The following GPATCH8 variants were observed in gnomAD, a reference collection of about 807,000 sequenced individuals.
GPATCH8 encodes the protein G patch domain-containing protein 8.
A neutral mutation model predicts 118.3 loss-of-function variants in GPATCH8; 18 were observed. That is an observed-to-expected ratio of 0.15 (90% CI 0.11 to 0.23). The LOEUF (loss-of-function observed/expected upper bound fraction) is 0.23. Ranked by LOEUF, GPATCH8 falls within the 10% of genes least tolerant of loss-of-function variation. GPATCH8 has a pLI of 1.00. For synonymous variants in GPATCH8, 659 were observed against 684.7 expected (o/e 0.96, Z 0.59); for missense variants, 1,631 against 1,873.8 (o/e 0.87, Z 2.39).
chr17:44,412,552 A>G (rs1230470258), intron 6 of GPATCH8, among the ~76,000 whole-genome samples: 1 of 150,868 alleles, frequency 6.6e-6, no homozygotes, highest in Non-Finnish European at 1.5e-5. Flanking sequence ...ACACCCGGCT[A>G]TTTATATTTT....
At chr17:44,419,110 G>A (rs1418088554) in intron 6 of GPATCH8, among the ~76,000 whole-genome samples, 1 of 152,184 alleles carries the variant, frequency 6.6e-6, no homozygotes, top group Non-Finnish European at 1.5e-5. Flanking sequence ...AGCTCCTTTT[G>A]GAGAGATTAT....
chr17:44,500,758 T>C (rs1009098959), intron 1 of GPATCH8, among the ~76,000 whole-genome samples: 8 of 152,220 alleles, frequency 5.3e-5, no homozygotes, highest in Non-Finnish European at 8.8e-5. Context: ...TCCACTGTGT[T>C]TGGAAACCTA....
chr17:44,424,307 T>C lies in GPATCH8; in HGVS notation c.492+42A>G, dbSNP rs768300257. 26 of 1,385,940 alleles carry C rather than the reference T, an allele frequency of 1.9e-5. No individual in the cohort carries two copies. In the South Asian group the frequency reaches 2.3e-4, roughly 12 times the overall value. The allele number at this position is 1,385,940 out of a possible 1,614,324, so 85.9% of individuals were successfully genotyped here. ...TCATAAAATCCAATTGTTGTAACAA[T>C]AGATAGGTACCTTCTTCTGTTAGCA... On this transcript the variant is annotated intron_variant, in intron 6 of 7. Coordinates refer to ENST00000591680, the MANE Select transcript of GPATCH8 (RefSeq NM_001002909.4).
At chr17:44,433,414 ACT>A (rs2050388672) in intron 5 of GPATCH8, among the ~76,000 whole-genome samples, 1 of 152,140 alleles carries the variant, frequency 6.6e-6, no homozygotes, top group South Asian at 2.1e-4. Context: ...AAATAGACAT[ACT>A]CTCTCTCCTC....
intron 6 of GPATCH8, among the ~76,000 whole-genome samples, chr17:44,410,228 C>G (rs930223774): frequency 6.6e-6 from 1 of 152,222 alleles, no homozygotes; most frequent in Non-Finnish European, 1.5e-5. Context: ...GGAATACCCA[C>G]GTGAAATTCT....
At chr17:44,477,727 A>G (rs1340301835) in intron 1 of GPATCH8, among the ~76,000 whole-genome samples, 2 of 152,128 alleles carry the variant, frequency 1.3e-5, no homozygotes, top group Non-Finnish European at 2.9e-5. Context: ...AGGACTTAAA[A>G]GTGGGTATTT....
In GPATCH8 at chr17:44,398,968, G is replaced by C. The variant is rs138327092; in HGVS notation, c.3109C>G (p.His1037Asp). ...RSKIYRSQSP[H>D]YFRSGRGEGP... ...TCTCCCCGGCCTGATCGGAAATAGT[G>C]GGGGGACTGGGAGCGGTAGATCTTA... Residue 1037 changes from histidine (H) to aspartate (D), a missense_variant, in exon 8 of 8, where the codon CAC (histidine) becomes GAC (aspartate). Transcript: ENST00000591680. The C allele has an allele frequency of 4.3e-6, 7 of 1,613,890 alleles. No individual in the cohort carries two copies. The highest frequency in any genetic ancestry group is 1.7e-5 in the Admixed American group (1 of 60,002).
At chr17:44,435,304 G>GA (rs542545827) in intron 4 of GPATCH8, among the ~76,000 whole-genome samples, 153 bp from the exon 5 acceptor site, 98 of 151,654 alleles carry the variant, frequency 6.5e-4, no homozygotes, top group Middle Eastern at 3.4e-3. Flanking sequence ...ACCTCACAGA[G>GA]AAAATCACAT....
chr17:44,429,800 G>T (rs1259980641), intron 5 of GPATCH8, among the ~76,000 whole-genome samples: 1 of 151,758 alleles, frequency 6.6e-6, no homozygotes, highest in Non-Finnish European at 1.5e-5. Context: ...GGAGGTGAAG[G>T]CTGCAGTGAG....
rs148971311 is a variant in GPATCH8 at position 44,400,682 on chromosome 17, C to T, written c.1395G>A (p.Pro465=). The T allele has an allele frequency of 2.0e-5, 32 of 1,611,138 alleles. No individual in the cohort carries two copies. The highest frequency in any genetic ancestry group is 1.6e-4 in the Middle Eastern group (1 of 6,072). ...EKTVSEVSEQ[P]KETSMTEPSE... Reference sequence around the variant, plus strand: ...AGGGCTCGGTCATGCTGGTTTCCTTCGGCTGCTCAGAGACTTCACTAACTG... The same window carrying T: ...AGGGCTCGGTCATGCTGGTTTCCTTTGGCTGCTCAGAGACTTCACTAACTG... The change falls in exon 8 of 8, where the codon CCG becomes CCA. Residue 465 remains proline, a synonymous_variant. Transcript: ENST00000591680.
chr17:44,450,385 C>G (rs1410177397), intron 3 of GPATCH8, among the ~76,000 whole-genome samples: 1 of 152,188 alleles, frequency 6.6e-6, no homozygotes, highest in East Asian at 1.9e-4. Flanking sequence ...ACACCACTTG[C>G]TATTGTCTCA....
intron 3 of GPATCH8, among the ~76,000 whole-genome samples, chr17:44,445,397 C>G (rs954464442): frequency 1.3e-5 from 2 of 152,068 alleles, no homozygotes; most frequent in Non-Finnish European, 2.9e-5. Context: ...AAACAGGTCA[C>G]AGTAAAAATT....
intron 1 of GPATCH8, among the ~76,000 whole-genome samples, chr17:44,478,110 G>T (rs1471180557): frequency 6.6e-6 from 1 of 152,198 alleles, no homozygotes; most frequent in East Asian, 1.9e-4. Flanking sequence ...ACAGATGTGA[G>T]CCACCAAGCG....
At chr17:44,412,148 C>G (rs1260049665) in intron 6 of GPATCH8, among the ~76,000 whole-genome samples, 3 of 152,154 alleles carry the variant, frequency 2.0e-5, no homozygotes, top group Non-Finnish European at 4.4e-5. Flanking sequence ...GTCTCAAACT[C>G]CTGACCTCAG....
chr17:44,492,967 G>A (rs1969376624), intron 1 of GPATCH8, among the ~76,000 whole-genome samples: 2 of 151,170 alleles, frequency 1.3e-5, no homozygotes, highest in African/African-American at 4.9e-5. Flanking sequence ...TAGACCCACA[G>A]ACAGTGAAAA....
chr17:44,498,708 T>A (rs769867461), intron 1 of GPATCH8, among the ~76,000 whole-genome samples: 13 of 152,192 alleles, frequency 8.5e-5, no homozygotes, highest in Non-Finnish European at 1.9e-4. Context: ...AATTTCAGTA[T>A]CCCAAGCCAA....
In GPATCH8 at chr17:44,500,464, A is replaced by G. The variant is rs192812885; in HGVS notation, c.45+2862T>C. ...AATCTCTATATACATGAGTGCTTCA[A>G]GTGGCATACCACTGTTAACTATAAC... is the stretch of plus-strand genomic sequence containing the variant. On this transcript the variant is annotated intron_variant, in intron 1 of 7. Transcript: ENST00000591680. Among the ~76,000 whole-genome samples, 5 of 152,346 alleles carry G rather than the reference A, an allele frequency of 3.3e-5. No homozygotes were observed. In the East Asian group the frequency reaches 9.6e-4, roughly 29 times the overall value.
intron 6 of GPATCH8, among the ~76,000 whole-genome samples, chr17:44,411,273 C>A (rs1415048551): frequency 6.6e-6 from 1 of 152,196 alleles, no homozygotes; most frequent in Non-Finnish European, 1.5e-5. Context: ...TGTCAATAGT[C>A]AAGAGCAACA....
In GPATCH8 at chr17:44,399,255, T is replaced by C. The variant is rs1284036181; in HGVS notation, c.2822A>G (p.Gln941Arg). The change falls in exon 8 of 8, where the codon CAG (glutamine) becomes CGG (arginine). Residue 941 changes from glutamine (Q) to arginine (R), a missense_variant. Around this residue, in one of 8 missense-constraint regions of GPATCH8, gnomAD observed 922 missense variants for 879.7 expected, o/e 1.05. Transcript: ENST00000591680. ...SDDDYSLSCS[Q>R]SRSRSRSHTR... is the part of the protein sequence containing the mutation. ...ATGACTCCGAGATCGGCTTCGGGAC[T>C]GGCTGCAACTGAGGCTATAGTCATC... is the stretch of plus-strand genomic sequence containing the variant. The C allele has an allele frequency of 2.5e-6, 4 of 1,614,116 alleles. No homozygotes were observed. Among genetic ancestry groups the C allele is most frequent in the Admixed American group, 3.3e-5 (2 of 60,008 alleles).
Sources: allele counts gnomAD v4.1 joint callset (sites outside exome capture counted in the v4.1 genomes callset), GRCh38; gene constraint gnomAD v4.1.1; regional missense constraint gnomAD v4.1.1; transcripts MANE v1.5; gene names NCBI Gene and HGNC (gene_info 2026-07-23, HGNC 2026-07-21).